Variants in SLC8A3 observed in about 807,000 individuals in gnomAD.
SLC8A3 encodes the protein solute carrier family 8 member A3.
SLC8A3 carries 37 observed loss-of-function variants against 65.4 expected under a neutral mutation model. The ratio of observed to expected loss-of-function variants is 0.57; its 90% CI spans 0.44 to 0.74. SLC8A3 has a LOEUF of 0.74. Among genes scored for constraint, SLC8A3 ranks in the 30% least tolerant of loss-of-function variants. SLC8A3 has a pLI of 0.00. For missense variants in SLC8A3, 1,112 were observed against 1,172.1 expected (o/e 0.95, Z 0.75); for synonymous variants, 461 against 444.5 (o/e 1.04, Z -0.47).
intron 1 of SLC8A3, among the ~76,000 whole-genome samples, chr14:70,180,156 T>C (rs1227483181): frequency 6.6e-6 from 1 of 152,254 alleles, no homozygotes; most frequent in Non-Finnish European, 1.5e-5. Context: ...GACATCCTTC[T>C]GCCCTGTTGC....
chr14:70,138,072 G>A (rs967497775), intron 2 of SLC8A3, among the ~76,000 whole-genome samples: 1 of 152,198 alleles, frequency 6.6e-6, no homozygotes, highest in Admixed American at 6.5e-5. Flanking sequence ...TCAGGAGAAA[G>A]GAGGTAGCAG....
chr14:70,095,054 G>A (rs72729883), intron 2 of SLC8A3, among the ~76,000 whole-genome samples: 9,392 of 152,308 alleles, frequency 0.062, 308 homozygotes, highest in African/African-American at 0.078. Flanking sequence ...CTTATCTAAA[G>A]TGTGGATCTG....
At chr14:70,056,172 TA>T (rs1270964780) in intron 3 of SLC8A3, among the ~76,000 whole-genome samples, 1 of 152,166 alleles carries the variant, frequency 6.6e-6, no homozygotes, top group African/African-American at 2.4e-5. Flanking sequence ...ATCCATTCTG[TA>T]AAAAAAGGAG....
chr14:70,088,063 G>A (rs574616062), intron 2 of SLC8A3, among the ~76,000 whole-genome samples: 1 of 152,312 alleles, frequency 6.6e-6, no homozygotes, highest in South Asian at 2.1e-4. Context: ...CTGGGATGGA[G>A]CAGGTCATTG....
intron 2 of SLC8A3, chr14:70,079,979 G>A (rs538404847): frequency 2.8e-5 from 15 of 532,340 alleles, no homozygotes; most frequent in South Asian, 8.2e-5. Flanking sequence ...TTGAGCTTCC[G>A]TTTCTTCAGC....
chr14:70,084,758 T>C (rs765504424), intron 2 of SLC8A3, among the ~76,000 whole-genome samples: 1 of 152,184 alleles, frequency 6.6e-6, no homozygotes. Flanking sequence ...AGTGAGAAAT[T>C]AAGAAACTGT....
At chr14:70,072,811 C>G (rs1890133798) in intron 2 of SLC8A3, among the ~76,000 whole-genome samples, 2 of 152,130 alleles carry the variant, frequency 1.3e-5, no homozygotes, top group Admixed American at 6.5e-5. Context: ...CTAAACCCAG[C>G]TAATTTTTGT....
At chr14:70,123,451 AT>A (rs138400053) in intron 2 of SLC8A3, among the ~76,000 whole-genome samples, 2,913 of 143,478 alleles carry the variant, frequency 0.02, 54 homozygotes, top group Admixed American at 0.05. Flanking sequence ...TTTCCTGTCT[AT>A]TTTTTTTTTT....
intron 2 of SLC8A3, among the ~76,000 whole-genome samples, chr14:70,142,879 A>G (rs1310954719): frequency 6.6e-6 from 1 of 152,196 alleles, no homozygotes; most frequent in East Asian, 1.9e-4. Context: ...ACCGTTTTAG[A>G]GTTTTTCCTC....
intron 2 of SLC8A3, among the ~76,000 whole-genome samples, chr14:70,111,353 C>A (rs953720558): frequency 2.0e-5 from 3 of 152,318 alleles, no homozygotes; most frequent in Admixed American, 1.3e-4. Context: ...CCTATCCCAA[C>A]TATAATAAGA....
chr14:70,079,740 A>G (rs564727453), intron 2 of SLC8A3, among the ~76,000 whole-genome samples: 1 of 152,218 alleles, frequency 6.6e-6, no homozygotes, highest in African/African-American at 2.4e-5. Context: ...GCTTAGATAG[A>G]AGCCTTATAT....
At chr14:70,129,148 C>A (rs1024110145) in intron 2 of SLC8A3, among the ~76,000 whole-genome samples, 1 of 152,140 alleles carries the variant, frequency 6.6e-6, no homozygotes, top group African/African-American at 2.4e-5. Flanking sequence ...CAGATCACAC[C>A]CTTCTCAAGC....
intron 2 of SLC8A3, among the ~76,000 whole-genome samples, chr14:70,140,110 G>A (rs1175371128): frequency 6.6e-6 from 1 of 152,066 alleles, no homozygotes; most frequent in East Asian, 1.9e-4. Flanking sequence ...AAAATGGAAG[G>A]GCAGAATAAT....
chr14:70,072,318 C>G (rs1051275442), intron 2 of SLC8A3, among the ~76,000 whole-genome samples: 1 of 152,120 alleles, frequency 6.6e-6, no homozygotes, highest in Non-Finnish European at 1.5e-5. Flanking sequence ...AGGATATGAT[C>G]ACAGGCAAGG....
chr14:70,155,674 G>A (rs1185918243), intron 2 of SLC8A3, among the ~76,000 whole-genome samples: 1 of 152,174 alleles, frequency 6.6e-6, no homozygotes, highest in Non-Finnish European at 1.5e-5. Context: ...AACAACAATA[G>A]TAAGCTTTCT....
At chr14:70,110,703 C>G (rs1367723953) in intron 2 of SLC8A3, among the ~76,000 whole-genome samples, 4 of 110,008 alleles carry the variant, frequency 3.6e-5, no homozygotes, top group African/African-American at 6.8e-5. Flanking sequence ...TTTTTTGAGA[C>G]AGAGTCTCGC....
chr14:70,146,149 C>T (rs944618992), intron 2 of SLC8A3, among the ~76,000 whole-genome samples: 36 of 152,140 alleles, frequency 2.4e-4, no homozygotes, highest in Non-Finnish European at 2.4e-4. Context: ...TCAGCCCACC[C>T]GTAGCCAGCT....
chr14:70,142,046 C>T (rs1895613085), intron 2 of SLC8A3, among the ~76,000 whole-genome samples: 1 of 152,172 alleles, frequency 6.6e-6, no homozygotes, highest in South Asian at 2.1e-4. Flanking sequence ...ATGGGTTCCA[C>T]GGAGCCAAGC....
Position 70,044,861 on chromosome 14 carries a change from G to C in SLC8A3, c.*1086C>G, listed in dbSNP as rs1886581645. 6.6e-6 allele frequency: 1 copy of C among 152,280 alleles called. No homozygotes were observed. The highest frequency in any genetic ancestry group is 1.9e-4 in the East Asian group (1 of 5,188). 9.4% of individuals were successfully genotyped at this position (152,280 alleles called of 1,614,324 possible). ...GCGTGGTGAAGCTGACATTTCTCAG[G>C]CACATTGACATTTAAAATACAAACT... is the stretch of plus-strand genomic sequence containing the variant. On this transcript the variant is annotated 3_prime_UTR_variant, in exon 7 of 7. Coordinates refer to ENST00000356921, the MANE Select transcript of SLC8A3 (RefSeq NM_182932.3).
Sources: gnomAD v4.1 joint callset for allele counts (sites outside exome capture counted in the v4.1 genomes callset) on GRCh38, gnomAD v4.1.1 for gene constraint, MANE v1.5 for transcripts, NCBI Gene and HGNC (gene_info 2026-07-23, HGNC 2026-07-21) for gene names.